Variants in FBLN2 observed in about 807,000 individuals in gnomAD.
The protein encoded by FBLN2 is fibulin-2.
FBLN2 carries 81 observed loss-of-function variants against 123.7 expected under a neutral mutation model. The observed-to-expected ratio is 0.65, with a 90% CI of 0.55 to 0.79. FBLN2 has a LOEUF of 0.79. FBLN2 is among the 30% of genes least tolerant of loss of function. FBLN2 has a pLI of 0.00. For synonymous variants in FBLN2, 699 were observed against 701.4 expected, an observed-to-expected ratio of 1.00 and a Z score of 0.05; for missense variants, 1,603 against 1,681.3, an observed-to-expected ratio of 0.95 and a Z score of 0.81.
intron 2 of FBLN2, among the ~76,000 whole-genome samples, chr3:13,597,529 G>C (rs1018223587): frequency 2.0e-5 from 3 of 152,176 alleles, no homozygotes; most frequent in Non-Finnish European, 4.4e-5. Context: ...CCTGTGACCT[G>C]CCTCTTTCCC....
At chr3:13,566,613 C>T (rs894035544) in intron 1 of FBLN2, 5 of 152,226 alleles carry the variant, frequency 3.3e-5, no homozygotes, top group Admixed American at 2.6e-4. Flanking sequence ...CCCAGATGGT[C>T]CTTTCCCCTC....
At chr3:13,580,991 C>T (rs1217854396) in intron 2 of FBLN2, among the ~76,000 whole-genome samples, 3 of 152,192 alleles carry the variant, frequency 2.0e-5, no homozygotes, top group South Asian at 2.1e-4. Context: ...GTCTGTGCCA[C>T]GTGGTCTCCA....
chr3:13,629,040 A>G lies in FBLN2; in HGVS notation c.2705A>G (p.Lys902Arg). The change falls in exon 12 of 18, where the codon AAG (lysine) becomes AGG (arginine). Residue 902 changes from lysine (K) to arginine (R), a missense_variant. Coordinates refer to ENST00000404922, the MANE Select transcript of FBLN2 (RefSeq NM_001004019.2). Reference sequence around the variant, plus strand: ...TACCACGCCAGCGATGATGGGACCAAGTGTGTGGGTAAGGCCAGCCGCCTC... The same window carrying G: ...TACCACGCCAGCGATGATGGGACCAGGTGTGTGGGTAAGGCCAGCCGCCTC... The part of the protein sequence containing the change: ...RGYHASDDGT[K>R]CVDVNECETG... 2.5e-6 allele frequency: 4 copies of G among 1,613,136 alleles called. No individual in the cohort carries two copies. The highest frequency in any genetic ancestry group is 2.2e-5 in the South Asian group (2 of 91,058).
intron 8 of FBLN2, 86 bp from the exon 9 acceptor site, chr3:13,621,689 G>T: frequency 6.8e-7 from 1 of 1,481,348 alleles, no homozygotes; most frequent in African/African-American, 1.4e-5. Context: ...CCCTTGCTGG[G>T]TCTCATTCTC....
chr3:13,630,269 G>A (rs920101421), intron 14 of FBLN2, among the ~76,000 whole-genome samples: 1 of 152,218 alleles, frequency 6.6e-6, no homozygotes. Flanking sequence ...GTACCTACCT[G>A]TGCGGGACGC....
chr3:13,614,250 C>T, intron 5 of FBLN2, 86 bp downstream of exon 5: 1 of 1,346,218 alleles, frequency 7.4e-7, no homozygotes, highest in East Asian at 2.4e-5. Context: ...GGTCCATCAT[C>T]ACCTGTGGCT....
intron 1 of FBLN2, among the ~76,000 whole-genome samples, chr3:13,569,685 C>T (rs1033631637): frequency 2.0e-5 from 3 of 151,858 alleles, no homozygotes; most frequent in Non-Finnish European, 2.9e-5. Context: ...TTCCTGAGTC[C>T]TAGGGTCTGC....
intron 1 of FBLN2, among the ~76,000 whole-genome samples, chr3:13,550,466 G>A (rs1703293288): frequency 6.6e-6 from 1 of 152,262 alleles, no homozygotes; most frequent in African/African-American, 2.4e-5. Context: ...TCCCCTGACA[G>A]GCCAAAAAGA....
chr3:13,607,275 C>T (rs1418825407), intron 2 of FBLN2, among the ~76,000 whole-genome samples: 4 of 151,976 alleles, frequency 2.6e-5, no homozygotes, highest in Admixed American at 6.6e-5. Flanking sequence ...CATGAGCCAC[C>T]GCACCCAGCC....
rs1703254220 is a variant in FBLN2 at position 13,549,146 on chromosome 3, G to C, written c.-104G>C. 6.1e-6 allele frequency: 6 copies of C among 982,752 alleles called. No individual in the cohort carries two copies. The highest frequency in any genetic ancestry group is 5.2e-4 in the Middle Eastern group (1 of 1,908). 60.9% of individuals were successfully genotyped at this position (982,752 alleles called of 1,614,324 possible). ...GCGCGCACACAGCCAGGGGCCGCCCGGGCTCTCGACGCGCCGACGGCCGGG... is the reference window on the plus strand; with the variant it reads ...GCGCGCACACAGCCAGGGGCCGCCCCGGCTCTCGACGCGCCGACGGCCGGG... On this transcript the variant is annotated 5_prime_UTR_variant, in exon 1 of 18. Coordinates refer to ENST00000404922, the MANE Select transcript of FBLN2 (RefSeq NM_001004019.2).
At chr3:13,588,536 C>T (rs1183719171) in intron 2 of FBLN2, among the ~76,000 whole-genome samples, 1 of 152,234 alleles carries the variant, frequency 6.6e-6, no homozygotes, top group Non-Finnish European at 1.5e-5. Context: ...CTTGGCTTTG[C>T]TCTGGCAGAG....
chr3:13,604,668 T>G (rs1237570373), intron 2 of FBLN2, among the ~76,000 whole-genome samples: 1 of 152,238 alleles, frequency 6.6e-6, no homozygotes, highest in Non-Finnish European at 1.5e-5. Flanking sequence ...TATTTAATAA[T>G]TCAGTGGGGG....
At chr3:13,566,356 C>G (rs1703746906) in intron 1 of FBLN2, 1 of 152,378 alleles carries the variant, frequency 6.6e-6, no homozygotes, top group African/African-American at 2.4e-5. Context: ...TTGCTTATCT[C>G]TGGCGATAGA....
At chr3:13,572,629 A>G (rs1260432534) in intron 2 of FBLN2, among the ~76,000 whole-genome samples, 1 of 152,250 alleles carries the variant, frequency 6.6e-6, no homozygotes, top group Non-Finnish European at 1.5e-5. Context: ...TAGGCGGCCC[A>G]GGCCTCTTCT....
rs190904129 is a variant in FBLN2 at position 13,559,904 on chromosome 3, A to T, written c.-41-10411A>T. Among the ~76,000 whole-genome samples the T allele has an allele frequency of 2.6e-5, 4 of 152,234 alleles. No individual in the cohort carries two copies. In the East Asian group the frequency reaches 7.7e-4, roughly 29 times the overall value. Reference sequence around the variant, plus strand: ...GGACTCCCCCCGCCCCAGGCGGGGCATGGGTGTGCCTCCTTCTAGGGTCGG... The same window carrying T: ...GGACTCCCCCCGCCCCAGGCGGGGCTTGGGTGTGCCTCCTTCTAGGGTCGG... On this transcript the variant is annotated intron_variant, in intron 1 of 17. Coordinates refer to ENST00000404922, the MANE Select transcript of FBLN2 (RefSeq NM_001004019.2).
intron 1 of FBLN2, among the ~76,000 whole-genome samples, chr3:13,567,800 T>A (rs202132110): frequency 6.6e-6 from 1 of 151,782 alleles, no homozygotes; most frequent in Admixed American, 6.6e-5. Flanking sequence ...AGACCCTTGT[T>A]AAAAAAAATT....
rs1706524087 is a variant in FBLN2, at chr3:13,637,631, C to T, written c.3408C>T (p.Tyr1136=). ...CQNSPARITH[Y]QLNFQTGLLV... ...ACTCGCCAGCGCGCATCACGCACTACCAGCTCAACTTCCAGACGGGCCTCC... is the reference window on the plus strand; with the variant it reads ...ACTCGCCAGCGCGCATCACGCACTATCAGCTCAACTTCCAGACGGGCCTCC... Residue 1136 remains tyrosine, a synonymous_variant, in exon 18 of 18, where the codon TAC becomes TAT. Transcript: ENST00000404922. 1 of 1,613,862 alleles carries T rather than the reference C, an allele frequency of 6.2e-7. No individual in the cohort carries two copies. Among genetic ancestry groups the T allele is most frequent in the African/African-American group, 1.3e-5 (1 of 74,952 alleles).
intron 1 of FBLN2, among the ~76,000 whole-genome samples, chr3:13,551,397 G>C (rs1302298177): frequency 6.6e-6 from 1 of 152,188 alleles, no homozygotes; most frequent in East Asian, 1.9e-4. Flanking sequence ...AGCATTCTCC[G>C]AGGCAGGCTT....
chr3:13,609,576 G>C lies in FBLN2; in HGVS notation c.1482G>C (p.Leu494=). 1 of 1,561,822 alleles carries C rather than the reference G, an allele frequency of 6.4e-7. No homozygotes were observed. Among genetic ancestry groups the C allele is most frequent in the Non-Finnish European group, 8.7e-7 (1 of 1,152,844 alleles). Residue 494 remains leucine (L), a synonymous_variant, in exon 4 of 18, where the codon CTG becomes CTC. Transcript: ENST00000404922. ...AGAAGAGCTGCATGGCCGGCGTCCT[G>C]GGAGCCAAGGAGGGTGAGACCTGTG... ...LQEKSCMAGV[L]GAKEGETCGA... is the part of the protein sequence containing the mutation.
Sources: gnomAD v4.1 joint callset for allele counts (sites outside exome capture counted in the v4.1 genomes callset) on GRCh38, gnomAD v4.1.1 for gene constraint, MANE v1.5 for transcripts, NCBI Gene and HGNC (gene_info 2026-07-23, HGNC 2026-07-21) for gene names.